FKTN: variants seen among roughly 807,000 people sequenced by gnomAD.
FKTN encodes the protein fukutin.
FKTN carries 47 observed loss-of-function variants against 58.6 expected under a neutral mutation model. The ratio of observed to expected loss-of-function variants is 0.80; its 90% CI spans 0.63 to 1.02. FKTN has a LOEUF of 1.02. FKTN is among the 50% of genes least tolerant of loss of function. The pLI is 0.00. For missense variants in FKTN, 516 were observed against 537.3 expected (o/e 0.96, Z 0.39); for synonymous variants, 178 against 191.9 (o/e 0.93, Z 0.60).
chr9:105,637,740 A>G lies in FKTN; in HGVS notation c.*2476A>G. 1 of 985,400 alleles carries G rather than the reference A, an allele frequency of 1.0e-6. No individual in the cohort carries two copies. Among genetic ancestry groups the G allele is most frequent in the African/African-American group, 1.7e-5 (1 of 57,326 alleles). The allele number at this position is 985,400 out of a possible 1,614,324, so 61.0% of individuals were successfully genotyped here. A position where few individuals can be genotyped will look rare whatever the true frequency, so the allele number is the denominator to read the frequency against. ...GTTAGGCACCCATGAATGTCTCCAG[A>G]GACATCCTGAGAGGCAAGATTCCTC... On this transcript the variant is annotated 3_prime_UTR_variant, in exon 11 of 11. Coordinates refer to ENST00000357998, the MANE Select transcript of FKTN (RefSeq NM_001079802.2).
At chr9:105,573,180 A>G (rs1841063509) in intron 1 of FKTN, among the ~76,000 whole-genome samples, 3 of 152,184 alleles carry the variant, frequency 2.0e-5, no homozygotes, top group African/African-American at 7.2e-5. Flanking sequence ...GGTTGCAGTG[A>G]ACTGAGATCG....
At chr9:105,574,097 A>G (rs747368877) in intron 2 of FKTN, 1 of 152,214 alleles carries the variant, frequency 6.6e-6, no homozygotes, top group Non-Finnish European at 1.5e-5. Flanking sequence ...ATAGAATACA[A>G]TAGAACTGTA....
intron 10 of FKTN, among the ~76,000 whole-genome samples, chr9:105,634,804 T>C (rs1234856176): frequency 6.6e-6 from 1 of 152,226 alleles, no homozygotes. Flanking sequence ...CCTCAATCAT[T>C]AACTTACTGG....
At chr9:105,618,466 G>A (rs1831226568) in intron 9 of FKTN, among the ~76,000 whole-genome samples, 1 of 152,080 alleles carries the variant, frequency 6.6e-6, no homozygotes, top group Non-Finnish European at 1.5e-5. Context: ...AATCCCACCC[G>A]CCGTACCTGA....
chr9:105,581,765 C>T (rs1484826068), intron 3 of FKTN, among the ~76,000 whole-genome samples: 2 of 152,164 alleles, frequency 1.3e-5, no homozygotes, highest in African/African-American at 2.4e-5. Context: ...CCTCCCCCAG[C>T]CTCGCTGCCG....
In FKTN at chr9:105,598,767, C is replaced by T. The variant is rs568821061; in HGVS notation, c.165+2110C>T. On this transcript the variant is annotated intron_variant, in intron 4 of 10. Transcript: ENST00000357998. ...ATTTATATTAATAATGGTAATGAAG[C>T]TATAAGTGTGTTCATCATATTTGTA... is the stretch of plus-strand genomic sequence containing the variant. The T allele has an allele frequency of 7.0e-4, 106 of 152,170 alleles. 1 individual carries two copies. The highest frequency in any genetic ancestry group is 2.5e-3 in the African/African-American group (105 of 41,526). 9.4% of individuals were successfully genotyped at this position (152,170 alleles called of 1,614,324 possible). A position where few individuals can be genotyped will look rare whatever the true frequency, so the allele number is the denominator to read the frequency against.
At chr9:105,559,095 C>T (rs1472084077) in intron 1 of FKTN, among the ~76,000 whole-genome samples, 4 of 152,180 alleles carry the variant, frequency 2.6e-5, no homozygotes, top group Admixed American at 6.5e-5. Flanking sequence ...TATTTTTAAC[C>T]TGCGTTTCTA....
intron 7 of FKTN, among the ~76,000 whole-genome samples, chr9:105,614,935 G>A (rs1157889920): frequency 6.7e-6 from 1 of 150,314 alleles, no homozygotes; most frequent in Non-Finnish European, 1.5e-5. Flanking sequence ...CCAGGCTGGA[G>A]TATAGTGGTG....
chr9:105,599,215 T>C (rs56900265), intron 4 of FKTN, among the ~76,000 whole-genome samples: 2,010 of 152,346 alleles, frequency 0.013, 41 homozygotes, highest in African/African-American at 0.045. Flanking sequence ...TTTTGTCAAA[T>C]GCTTTTTTCT....
intron 3 of FKTN, among the ~76,000 whole-genome samples, chr9:105,580,283 A>C (rs1842632208): frequency 6.6e-6 from 1 of 152,170 alleles, no homozygotes; most frequent in Non-Finnish European, 1.5e-5. Context: ...ACATTTTGGC[A>C]TGATTTTGCA....
intron 3 of FKTN, among the ~76,000 whole-genome samples, chr9:105,584,587 A>T (rs1843584898): frequency 6.6e-6 from 1 of 152,110 alleles, no homozygotes; most frequent in African/African-American, 2.4e-5. Context: ...GGGGACACTG[A>T]GGTGTGCAGA....
chr9:105,581,421 C>T (rs1221616966), intron 3 of FKTN, among the ~76,000 whole-genome samples: 1 of 149,498 alleles, frequency 6.7e-6, no homozygotes, highest in African/African-American at 2.5e-5. Context: ...TTGGAGTACC[C>T]TGCCTTGTGA....
intron 3 of FKTN, among the ~76,000 whole-genome samples, chr9:105,594,718 C>G (rs1222395462): frequency 5.9e-5 from 9 of 152,144 alleles, no homozygotes; most frequent in Non-Finnish European, 1.3e-4. Flanking sequence ...TGCACTCCAG[C>G]CTGGGCAACA....
At chr9:105,600,023 A>G (rs192169314) in intron 4 of FKTN, among the ~76,000 whole-genome samples, 12 of 151,666 alleles carry the variant, frequency 7.9e-5, no homozygotes, top group Admixed American at 6.6e-4. Flanking sequence ...ATTTTGTTTC[A>G]TCTTGTGGCA....
At chr9:105,626,981 CTT>C (rs60710867) in intron 10 of FKTN, among the ~76,000 whole-genome samples, 252 of 127,996 alleles carry the variant, frequency 2.0e-3, no homozygotes, top group East Asian at 0.011. Context: ...CTTCTTTATT[CTT>C]TTTTTTTTTT....
chr9:105,608,578 A>G (rs545999491), intron 7 of FKTN, among the ~76,000 whole-genome samples: 121 of 152,294 alleles, frequency 7.9e-4, no homozygotes, highest in African/African-American at 2.8e-3. Flanking sequence ...AAAACAGGCA[A>G]ATTTACAGTG....
At position 105,639,285 on chromosome 9, in the gene FKTN, A is replaced by T. The variant is rs2133483842; in HGVS notation, c.*4021A>T. ...CCACTATCATTAAGACCTGGGCTAG[A>T]TCACCTCTAACATCTCACTCAGGGA... On this transcript the variant is annotated 3_prime_UTR_variant, in exon 11 of 11. Coordinates refer to ENST00000357998, the MANE Select transcript of FKTN (RefSeq NM_001079802.2). The T allele has an allele frequency of 1.0e-6, 1 of 985,270 alleles. No homozygotes were observed. The highest frequency in any genetic ancestry group is 4.7e-5 in the South Asian group (1 of 21,274). The allele number at this position is 985,270 out of a possible 1,614,324, so 61.0% of individuals were successfully genotyped here. A position where few individuals can be genotyped will look rare whatever the true frequency, so the allele number is the denominator to read the frequency against.
At chr9:105,596,831 T>G (rs1480514661) in intron 4 of FKTN, 174 bp downstream of exon 4, 5 of 632,266 alleles carry the variant, frequency 7.9e-6, no homozygotes, top group Non-Finnish European at 1.1e-5. Flanking sequence ...ATGCAATGTC[T>G]TATTTAGTCC....
At chr9:105,593,646 C>G (rs952284919) in intron 3 of FKTN, among the ~76,000 whole-genome samples, 1 of 152,020 alleles carries the variant, frequency 6.6e-6, no homozygotes, top group Non-Finnish European at 1.5e-5. Context: ...AGGTTTGGGA[C>G]CCTCCAACAC....
Sources: allele counts gnomAD v4.1 joint callset (sites outside exome capture counted in the v4.1 genomes callset), GRCh38; gene constraint gnomAD v4.1.1; transcripts MANE v1.5; gene names NCBI Gene and HGNC (gene_info 2026-07-23, HGNC 2026-07-21).